SUGCT: variants seen among roughly 807,000 people sequenced by gnomAD.
SUGCT encodes the protein succinyl-CoA:glutarate CoA-transferase.
A neutral mutation model predicts 55.0 loss-of-function variants in SUGCT; 41 were observed. The ratio of observed to expected loss-of-function variants is 0.74; its 90% CI spans 0.58 to 0.97. The LOEUF is 0.97. Ranked by LOEUF, SUGCT falls within the 50% of genes least tolerant of loss-of-function variation. SUGCT has a pLI of 0.00. For synonymous variants in SUGCT, 187 were observed against 200.4 expected (o/e 0.93, Z 0.56); for missense variants, 568 against 547.8 (o/e 1.04, Z -0.37).
the SUGCT span, among the ~76,000 whole-genome samples, chr7:40,892,969 AG>A: frequency 3.3e-5 from 5 of 152,356 alleles, 1 homozygote; most frequent in South Asian, 1.0e-3. Context: ...GAGAAAGAAT[AG>A]AAAAAGATAT....
At chr7:40,274,424 T>C in intron 7 of SUGCT, 89 bp from the exon 8 acceptor site, 1 of 1,405,048 alleles carries the variant, frequency 7.1e-7, no homozygotes, top group Non-Finnish European at 9.7e-7. Flanking sequence ...ACAATTCTTT[T>C]TTCTATTTCA....
intron 12 of SUGCT, among the ~76,000 whole-genome samples, chr7:40,736,786 T>G (rs1787186467): frequency 6.6e-6 from 1 of 152,056 alleles, no homozygotes; most frequent in Admixed American, 6.6e-5. Context: ...ATATCTTTAT[T>G]TGGAAGCAAA....
In SUGCT at chr7:40,342,714, C is replaced by G. The variant is rs111274162; in HGVS notation, c.816+25859C>G. 8.9e-3 allele frequency among the ~76,000 whole-genome samples: 1,355 copies of G among 151,804 alleles called. 10 individuals are homozygous for G. The highest frequency in any genetic ancestry group is 0.017 in the Middle Eastern group (5 of 292). ...CTGGAGTGCAGTGGCGTGATCTTGACTCACTGCAACCTCTGTCTCCCAGGT... is the reference window on the plus strand; with the variant it reads ...CTGGAGTGCAGTGGCGTGATCTTGAGTCACTGCAACCTCTGTCTCCCAGGT... On this transcript the variant is annotated intron_variant, in intron 9 of 13. Coordinates refer to ENST00000335693, the MANE Select transcript of SUGCT (RefSeq NM_001193313.2).
At chr7:41,013,042 A>G in the SUGCT span, among the ~76,000 whole-genome samples, 7 of 131,400 alleles carry the variant, frequency 5.3e-5, no homozygotes, top group African/African-American at 1.6e-4. Flanking sequence ...ATATATATAT[A>G]TGTATTTCAT....
chr7:40,181,866 C>A, intron 2 of SUGCT, 89 bp from the exon 3 acceptor site: 2 of 781,304 alleles, frequency 2.6e-6, no homozygotes, highest in Non-Finnish European at 4.3e-6. Flanking sequence ...ATTATATGAG[C>A]GTGTCTGTGT....
chr7:40,634,665 AG>A (rs1348542269), intron 12 of SUGCT, among the ~76,000 whole-genome samples: 1 of 152,242 alleles, frequency 6.6e-6, no homozygotes, highest in African/African-American at 2.4e-5. Context: ...TTAAAACGCG[AG>A]GGAATTTAAG....
At chr7:40,708,339 G>A (rs1270163832) in intron 12 of SUGCT, among the ~76,000 whole-genome samples, 1 of 152,194 alleles carries the variant, frequency 6.6e-6, no homozygotes, top group African/African-American at 2.4e-5. Context: ...CATTGAGTAT[G>A]TAGAGTGTGT....
At chr7:40,701,193 C>T (rs1253816415) in intron 12 of SUGCT, among the ~76,000 whole-genome samples, 1 of 152,238 alleles carries the variant, frequency 6.6e-6, no homozygotes, top group Non-Finnish European at 1.5e-5. Context: ...GATGCCCACT[C>T]CCCCTCCCAC....
chr7:40,616,964 A>G (rs10241399), intron 12 of SUGCT, among the ~76,000 whole-genome samples: 6,806 of 152,308 alleles, frequency 0.045, 507 homozygotes, highest in African/African-American at 0.16. Context: ...CAAATTTGAA[A>G]AGGTGGTTTT....
chr7:40,178,083 G>A (rs185563144), intron 1 of SUGCT, among the ~76,000 whole-genome samples: 91 of 152,282 alleles, frequency 6.0e-4, no homozygotes, highest in Middle Eastern at 3.4e-3. Flanking sequence ...TTTGAATCAG[G>A]CTCTAAGTGA....
At chr7:40,909,309 G>A in the SUGCT span, among the ~76,000 whole-genome samples, 4 of 152,142 alleles carry the variant, frequency 2.6e-5, no homozygotes, top group African/African-American at 7.2e-5. Flanking sequence ...CTGGACACTC[G>A]ATGTTTGGTT....
At chr7:40,380,337 C>T (rs570609005) in intron 9 of SUGCT, among the ~76,000 whole-genome samples, 1 of 152,240 alleles carries the variant, frequency 6.6e-6, no homozygotes, top group South Asian at 2.1e-4. Context: ...CCCTGGATTG[C>T]TACAAGCCAT....
At chr7:40,178,334 T>C (rs1348299487) in intron 1 of SUGCT, among the ~76,000 whole-genome samples, 1 of 152,198 alleles carries the variant, frequency 6.6e-6, no homozygotes, top group African/African-American at 2.4e-5. Context: ...GTCTTCCTTA[T>C]ATTCAGGTGG....
At chr7:40,782,108 C>T (rs1030424516) in intron 13 of SUGCT, among the ~76,000 whole-genome samples, 3 of 151,816 alleles carry the variant, frequency 2.0e-5, no homozygotes, top group Non-Finnish European at 4.4e-5. Flanking sequence ...AAAATCTTTA[C>T]AGAACAATGG....
At chr7:40,820,168 C>G (rs940757656) in intron 13 of SUGCT, among the ~76,000 whole-genome samples, 5 of 152,084 alleles carry the variant, frequency 3.3e-5, no homozygotes, top group African/African-American at 9.7e-5. Flanking sequence ...TTACTGTAGC[C>G]TTGTAGTATA....
In SUGCT at chr7:40,565,999, A is replaced by ACACGCG. The variant is rs1554369022; in HGVS notation, c.1089+69616_1089+69617insGCGCAC. Reference sequence around the variant, plus strand: ...CACACACACACACACACACGCACACACACACACACACACACACACACACAC... The same window carrying ACACGCG: ...CACACACACACACACACACGCACACACACGCGCACACACACACACACACACACACAC... On this transcript the variant is annotated intron_variant, in intron 12 of 13. Transcript: ENST00000335693. Among the ~76,000 whole-genome samples, 10 of 145,142 alleles carry ACACGCG rather than the reference A, an allele frequency of 6.9e-5. 1 individual carries two copies. The highest frequency in any genetic ancestry group is 1.4e-4 in the Non-Finnish European group (9 of 65,588).
chr7:40,343,559 G>C lies in SUGCT; in HGVS notation c.816+26704G>C, dbSNP rs1391214370. On this transcript the variant is annotated intron_variant, in intron 9 of 13. Transcript: ENST00000335693. Reference sequence around the variant, plus strand: ...CCACCAAGAACAGAATCCTTTGGCCGATCTCCAAACTTGAAAACAATTATT... The same window carrying C: ...CCACCAAGAACAGAATCCTTTGGCCCATCTCCAAACTTGAAAACAATTATT... 7.3e-5 allele frequency among the ~76,000 whole-genome samples: 11 copies of C among 151,680 alleles called. No homozygotes were observed. In the East Asian group the frequency reaches 2.1e-3, roughly 29 times the overall value.
intron 12 of SUGCT, among the ~76,000 whole-genome samples, chr7:40,670,375 T>C (rs1426946218): frequency 6.6e-6 from 1 of 152,026 alleles, no homozygotes; most frequent in African/African-American, 2.4e-5. Context: ...AAGGGCTGGT[T>C]TTATGAAAAG....
intron 7 of SUGCT, among the ~76,000 whole-genome samples, chr7:40,263,804 C>A (rs1402515683): frequency 6.6e-6 from 1 of 152,096 alleles, no homozygotes; most frequent in Non-Finnish European, 1.5e-5. Context: ...TATGGTGAGT[C>A]CACCTGCAAT....
Sources: allele counts gnomAD v4.1 joint callset (sites outside exome capture counted in the v4.1 genomes callset), GRCh38; gene constraint gnomAD v4.1.1; transcripts MANE v1.5; gene names NCBI Gene and HGNC (gene_info 2026-07-23, HGNC 2026-07-21).